PPP1CB: variants seen among roughly 807,000 people sequenced by gnomAD.
PPP1CB encodes serine/threonine-protein phosphatase PP1-beta catalytic subunit.
PPP1CB carries 2 observed loss-of-function variants against 43.7 expected under a neutral mutation model. The observed-to-expected ratio is 0.05, with a 90% CI of 0.02 to 0.14. The LOEUF (loss-of-function observed/expected upper bound fraction) is 0.14. Ranked by LOEUF, PPP1CB falls within the 10% of genes least tolerant of loss-of-function variation. The pLI is 1.00. For synonymous variants in PPP1CB, 136 were observed against 135.6 expected, an observed-to-expected ratio of 1.00 and a Z score of -0.02; for missense variants, 84 against 398.0, an observed-to-expected ratio of 0.21 and a Z score of 6.71.
At chr2:28,783,012 T>C (rs1191822934) in intron 4 of PPP1CB, 2 of 152,252 alleles carry the variant, frequency 1.3e-5, no homozygotes, top group African/African-American at 4.8e-5. Flanking sequence ...TACGAATGTT[T>C]AGCTTCATTC....
chr2:28,769,871 T>G (rs1409068010), intron 1 of PPP1CB, among the ~76,000 whole-genome samples: 1 of 151,880 alleles, frequency 6.6e-6, no homozygotes, highest in East Asian at 1.9e-4. Flanking sequence ...TCCAAAGAAA[T>G]GCAGGGAAAG....
chr2:28,770,746 A>G (rs1447859542), intron 1 of PPP1CB, among the ~76,000 whole-genome samples: 1 of 151,698 alleles, frequency 6.6e-6, no homozygotes, highest in Non-Finnish European at 1.5e-5. Flanking sequence ...TGGCGGACAT[A>G]GAACACTTCA....
intron 1 of PPP1CB, among the ~76,000 whole-genome samples, chr2:28,763,829 C>T (rs376046098): frequency 1.3e-4 from 20 of 152,178 alleles, no homozygotes; most frequent in Middle Eastern, 3.4e-3. Context: ...CTCAGCCTCC[C>T]GAGTAATCTG....
chr2:28,751,887 G>T lies in PPP1CB; in HGVS notation c.-238G>T. On this transcript the variant is annotated 5_prime_UTR_variant, in exon 1 of 8. Transcript: ENST00000395366. ...GGCGGCCTGGGTCTGACGCGGCCCT[G>T]TTCGAGGGGGCCTCTCTTGTTTATT... 1.7e-6 allele frequency: 1 copy of T among 594,308 alleles called. No homozygotes were observed. The allele number at this position is 594,308 out of a possible 1,614,324, so 36.8% of individuals were successfully genotyped here.
At chr2:28,751,649 G>A (rs1025472547), upstream of PPP1CB, 2 of 179,352 alleles carry the variant, frequency 1.1e-5, no homozygotes, top group South Asian at 1.8e-4. Flanking sequence ...GCACCTGCGC[G>A]AAGACGGCAG....
At chr2:28,775,624 G>A (rs1572456368) in intron 1 of PPP1CB, among the ~76,000 whole-genome samples, 1 of 152,148 alleles carries the variant, frequency 6.6e-6, no homozygotes, top group East Asian at 1.9e-4. Context: ...CAGTCCTCCC[G>A]CTTTGACCCC....
In PPP1CB at chr2:28,800,529, G is replaced by A. The variant is rs1017562405; in HGVS notation, c.*1226G>A. ...TGATACTGTATAGACAAGCTTTGTA[G>A]TGAAGTATAGTAGCAATAATTTCTG... is the stretch of plus-strand genomic sequence containing the variant. On this transcript the variant is annotated 3_prime_UTR_variant, in exon 8 of 8. Coordinates refer to ENST00000395366, the MANE Select transcript of PPP1CB (RefSeq NM_002709.3). The A allele has an allele frequency of 3.3e-5, 5 of 152,428 alleles. No homozygotes were observed. Among genetic ancestry groups the A allele is most frequent in the African/African-American group, 1.2e-4 (5 of 41,432 alleles). 9.4% of individuals were successfully genotyped at this position (152,428 alleles called of 1,614,324 possible).
chr2:28,792,954 C>T (rs1316427629), intron 6 of PPP1CB, among the ~76,000 whole-genome samples: 1 of 152,116 alleles, frequency 6.6e-6, no homozygotes, highest in Non-Finnish European at 1.5e-5. Flanking sequence ...GCCTGTAATC[C>T]CAGCACTTTG....
intron 7 of PPP1CB, among the ~76,000 whole-genome samples, chr2:28,797,590 G>C (rs1362499032): frequency 6.6e-6 from 1 of 152,022 alleles, no homozygotes; most frequent in Non-Finnish European, 1.5e-5. Context: ...GTGTTTTTGT[G>C]AATGTATTCA....
At chr2:28,785,112 G>A (rs1215258626) in intron 5 of PPP1CB, among the ~76,000 whole-genome samples, 1 of 81,956 alleles carries the variant, frequency 1.2e-5, no homozygotes, top group Non-Finnish European at 2.3e-5. Flanking sequence ...GTCTTGCCCT[G>A]TCACCAGGCT....
intron 1 of PPP1CB, among the ~76,000 whole-genome samples, chr2:28,763,583 T>C (rs1037901631): frequency 6.6e-6 from 1 of 152,244 alleles, no homozygotes; most frequent in South Asian, 2.1e-4. Flanking sequence ...TACTTATGCT[T>C]TGTGAATTCA....
chr2:28,772,348 A>C (rs1047560619), intron 1 of PPP1CB, among the ~76,000 whole-genome samples: 1 of 152,182 alleles, frequency 6.6e-6, no homozygotes, highest in African/African-American at 2.4e-5. Flanking sequence ...CGGGGAAATC[A>C]AATTAAATCC....
intron 1 of PPP1CB, among the ~76,000 whole-genome samples, chr2:28,768,294 G>A (rs1558300769): frequency 6.6e-6 from 1 of 152,148 alleles, no homozygotes; most frequent in Admixed American, 6.6e-5. Context: ...GTCTCACTGG[G>A]CTAAGGAAGA....
chr2:28,754,453 G>A (rs1044834768), intron 1 of PPP1CB, among the ~76,000 whole-genome samples: 2 of 152,062 alleles, frequency 1.3e-5, no homozygotes, highest in Non-Finnish European at 1.5e-5. Context: ...CCTAAGATAA[G>A]ACACAGTCTC....
intron 7 of PPP1CB, among the ~76,000 whole-genome samples, chr2:28,796,964 A>G (rs1416511519): frequency 6.6e-6 from 1 of 152,008 alleles, no homozygotes; most frequent in Non-Finnish European, 1.5e-5. Flanking sequence ...TTCAGTGCCT[A>G]ATTTGTTGAG....
intron 5 of PPP1CB, 96 bp from the exon 6 acceptor site, chr2:28,788,562 A>C (rs1667321944): frequency 7.6e-7 from 1 of 1,317,414 alleles, no homozygotes; most frequent in African/African-American, 1.5e-5. Flanking sequence ...GTAAAAGGTA[A>C]GAGGGCAAGA....
At chr2:28,790,565 C>G (rs899236813) in intron 6 of PPP1CB, among the ~76,000 whole-genome samples, 1 of 152,156 alleles carries the variant, frequency 6.6e-6, no homozygotes, top group Non-Finnish European at 1.5e-5. Flanking sequence ...ATCTCAAACT[C>G]CTGACCCCAG....
intron 1 of PPP1CB, among the ~76,000 whole-genome samples, chr2:28,752,387 G>C (rs996705871): frequency 1.3e-5 from 2 of 152,192 alleles, no homozygotes; most frequent in African/African-American, 4.8e-5. Flanking sequence ...GAGATCGGGG[G>C]AGAGGGGGCC....
intron 6 of PPP1CB, among the ~76,000 whole-genome samples, chr2:28,792,925 G>A (rs909013697): frequency 1.3e-5 from 2 of 152,142 alleles, no homozygotes; most frequent in African/African-American, 2.4e-5. Context: ...ACTCATCAAG[G>A]CCAGGCACGG....
Sources: gnomAD v4.1 joint callset for allele counts (sites outside exome capture counted in the v4.1 genomes callset) on GRCh38, gnomAD v4.1.1 for gene constraint, MANE v1.5 for transcripts, NCBI Gene and HGNC (gene_info 2026-07-23, HGNC 2026-07-21) for gene names.